The following SNX19 variants were observed in gnomAD, a reference collection of about 807,000 sequenced individuals.
SNX19 encodes the protein sorting nexin 19, also known as sorting nexin-19.
SNX19 carries 60 observed loss-of-function variants against 85.2 expected under a neutral mutation model. That is an observed-to-expected ratio of 0.70 (90% CI 0.57 to 0.87). The LOEUF is 0.87. Among genes scored for constraint, SNX19 ranks in the 40% least tolerant of loss-of-function variants. The pLI is 0.00. For missense variants in SNX19, 1,201 were observed against 1,217.8 expected (o/e 0.99, Z 0.21); for synonymous variants, 520 against 470.0 (o/e 1.11, Z -1.38).
chr11:130,899,694 C>T (rs767313769), intron 8 of SNX19, among the ~76,000 whole-genome samples: 1 of 152,122 alleles, frequency 6.6e-6, no homozygotes, highest in Non-Finnish European at 1.5e-5. Context: ...TATGAGGTAA[C>T]TGAACATGTA....
At position 130,874,433 on chromosome 11, in the gene SNX19, T is replaced by C. The variant is rs1037037193; in HGVS notation, c.*3989A>G. Among the ~76,000 whole-genome samples the C allele has an allele frequency of 6.6e-6, 1 of 152,174 alleles. No individual in the cohort carries two copies. The highest frequency in any genetic ancestry group is 2.4e-5 in the African/African-American group (1 of 41,432). ...GAATGTTATCTCTGGGTGTGATGCC[T>C]GAAACTGCAGCAGCAGGAAGGCAGG... On this transcript the variant is annotated 3_prime_UTR_variant, in exon 11 of 11. Coordinates refer to ENST00000265909, the MANE Select transcript of SNX19 (RefSeq NM_014758.3).
chr11:130,910,252 AAAGAG>A lies in SNX19; in HGVS notation c.1914+13_1914+17del. On this transcript the variant is annotated intron_variant, in intron 3 of 10. Coordinates refer to ENST00000265909, the MANE Select transcript of SNX19 (RefSeq NM_014758.3). ...CCAGGTTAAAGTGAGAACAAGGCCA[AAAGAG>A]AAGGATGCTGACCTTTAGGAATGAT... 1 of 1,613,522 alleles carries A rather than the reference AAAGAG, an allele frequency of 6.2e-7. No homozygotes were observed. The highest frequency in any genetic ancestry group is 8.5e-7 in the Non-Finnish European group (1 of 1,179,638).
chr11:130,877,237 T>G lies in SNX19; in HGVS notation c.*1185A>C, dbSNP rs1034230687. The G allele has an allele frequency of 5.9e-5, 9 of 152,238 alleles. No individual in the cohort carries two copies. Among genetic ancestry groups the G allele is most frequent in the African/African-American group, 2.2e-4 (9 of 41,456 alleles). The allele number at this position is 152,238 out of a possible 1,614,324, so 9.4% of individuals were successfully genotyped here. A position where few individuals can be genotyped will look rare whatever the true frequency, so the allele number is the denominator to read the frequency against. ...TTAATATACAGCACTTCCCTGTGAC[T>G]GTCTGCAGCCTTTTCTACCAGCAAT... On this transcript the variant is annotated 3_prime_UTR_variant, in exon 11 of 11. Coordinates refer to ENST00000265909, the MANE Select transcript of SNX19 (RefSeq NM_014758.3).
intron 8 of SNX19, 146 bp from the exon 9 acceptor site, chr11:130,880,952 G>A: frequency 1.7e-6 from 1 of 578,742 alleles, no homozygotes; most frequent in South Asian, 4.4e-5. Flanking sequence ...GGGGCCTTTG[G>A]GGAGGTGATT....
At chr11:130,890,987 T>A (rs1346393286) in intron 8 of SNX19, among the ~76,000 whole-genome samples, 1 of 151,352 alleles carries the variant, frequency 6.6e-6, no homozygotes, top group African/African-American at 2.4e-5. Flanking sequence ...ATGCTGTATA[T>A]GGGACAAACA....
Position 130,871,034 on chromosome 11 carries a change from GGGCAGA to G in SNX19, c.*7382_*7387del, listed in dbSNP as rs2135248728. 6.6e-6 allele frequency among the ~76,000 whole-genome samples: 1 copy of G among 152,228 alleles called. No individual in the cohort carries two copies. The highest frequency in any genetic ancestry group is 2.1e-4 in the South Asian group (1 of 4,820). ...AAATGGAACTTGAATTGGTCCTTAT[GGGCAGA>G]GGTAGCCTACTTGCCCAGCTGGAGA... is the stretch of plus-strand genomic sequence containing the variant. On this transcript the variant is annotated 3_prime_UTR_variant, in exon 11 of 11. Coordinates refer to ENST00000265909, the MANE Select transcript of SNX19 (RefSeq NM_014758.3).
chr11:130,880,745 G>C lies in SNX19; in HGVS notation c.2635C>G (p.Leu879Val), dbSNP rs767957492. Residue 879 changes from leucine to valine, a missense_variant, in exon 9 of 11, where the codon CTT becomes GTT. By Grantham distance (32) the Leu-to-Val change is conservative. Around this residue, in one of 3 missense-constraint regions of SNX19, gnomAD observed 285 missense variants for 295.3 expected, o/e 0.97. Coordinates refer to ENST00000265909, the MANE Select transcript of SNX19 (RefSeq NM_014758.3). ...SPQRWVQYLL[L>V]LQESIWPGGV... ...CCAGGCCAGATGGACTCCTGAAGAA[G>C]CAGGAGGTACTGCACCCAGCGCTGT... 9.9e-6 allele frequency: 16 copies of C among 1,611,400 alleles called. No individual in the cohort carries two copies. The Admixed American group carries it at 1.5e-4, about 15-fold the overall frequency.
chr11:130,903,419 A>G (rs564994388), intron 7 of SNX19, 35 bp from the exon 8 acceptor site: 6 of 1,606,060 alleles, frequency 3.7e-6, no homozygotes, highest in Non-Finnish European at 5.1e-6. Context: ...GTAACTCAGA[A>G]GAGACCCATA....
rs761320256 is a variant in SNX19 at position 130,915,500 on chromosome 11, C to G, written c.440G>C (p.Ser147Thr). The change falls in exon 1 of 11, where the codon AGC becomes ACC. Residue 147 changes from serine to threonine, a missense_variant. Physicochemically the swap from Ser to Thr is moderately conservative, Grantham distance 58 (BLOSUM62 1). Around this residue, in one of 3 missense-constraint regions of SNX19, gnomAD observed 791 missense variants for 750.9 expected, o/e 1.05. Transcript: ENST00000265909. ...GLVQELRRRM[S>T]VMDSHAVAQS... ...GGCAACAGCATGACTGTCCATCACG[C>G]TCATCCTTCTCCGAAGCTCCTGGAC... 3 of 1,614,250 alleles carry G rather than the reference C, an allele frequency of 1.9e-6. No homozygotes were observed. Among genetic ancestry groups the G allele is most frequent in the Non-Finnish European group, 2.5e-6 (3 of 1,180,048 alleles).
chr11:130,909,574 T>C (rs185968903), intron 4 of SNX19, among the ~76,000 whole-genome samples: 2 of 152,202 alleles, frequency 1.3e-5, no homozygotes, highest in African/African-American at 2.4e-5. Flanking sequence ...CTCCATACTC[T>C]GTTCTCTAGC....
At chr11:130,913,189 T>TA (rs1316010337) in intron 1 of SNX19, among the ~76,000 whole-genome samples, 4 of 152,048 alleles carry the variant, frequency 2.6e-5, no homozygotes. Context: ...GAATAGTCAT[T>TA]AAAAAAAGAT....
intron 8 of SNX19, among the ~76,000 whole-genome samples, chr11:130,900,676 T>C (rs1311910827): frequency 1.3e-5 from 2 of 152,182 alleles, no homozygotes; most frequent in African/African-American, 4.8e-5. Context: ...TTTATCCTCA[T>C]ACTGAATAAT....
intron 8 of SNX19, among the ~76,000 whole-genome samples, chr11:130,882,999 A>G (rs1943789128): frequency 1.3e-5 from 2 of 152,230 alleles, no homozygotes. Flanking sequence ...CAAGAGTTAC[A>G]TTCTTTTGAA....
intron 9 of SNX19, 80 bp downstream of exon 9, chr11:130,880,541 GA>G: frequency 7.7e-7 from 1 of 1,292,174 alleles, no homozygotes; most frequent in Admixed American, 2.2e-5. Flanking sequence ...TTACAAACAG[GA>G]AAAGGTGCAG....
At chr11:130,911,926 AT>A (rs1565552088) in intron 1 of SNX19, among the ~76,000 whole-genome samples, 155 bp from the exon 2 acceptor site, 1 of 152,064 alleles carries the variant, frequency 6.6e-6, no homozygotes, top group Non-Finnish European at 1.5e-5. Context: ...AGAACCTCCT[AT>A]ATCTAATTGC....
At chr11:130,907,760 T>C (rs1349037379) in intron 5 of SNX19, among the ~76,000 whole-genome samples, 193 bp downstream of exon 5, 2 of 152,202 alleles carry the variant, frequency 1.3e-5, no homozygotes, top group Non-Finnish European at 2.9e-5. Context: ...CATTCAGCAG[T>C]GCTGCCTCTG....
Position 130,914,343 on chromosome 11 carries a change from G to A in SNX19, c.1597C>T (p.Leu533Phe), listed in dbSNP as rs1946368270. The A allele has an allele frequency of 3.1e-6, 5 of 1,613,600 alleles. No homozygotes were observed. In the Middle Eastern group the frequency reaches 6.6e-4, roughly 213 times the overall value. ...GCTGTAATGGTGCCAGTGATACGAA[G>A]GTTCTGGATGATAACTGGACCATCG... ...SPDGPVIIQN[L>F]RITGTITARE... The change falls in exon 1 of 11, where the codon CTT (leucine) becomes TTT (phenylalanine). Residue 533 changes from leucine to phenylalanine, a missense_variant. Coordinates refer to ENST00000265909, the MANE Select transcript of SNX19 (RefSeq NM_014758.3).
intron 10 of SNX19, among the ~76,000 whole-genome samples, chr11:130,879,164 G>A (rs12365680): frequency 0.34 from 51,531 of 152,046 alleles, 10,064 homozygotes; most frequent in Admixed American, 0.45. Context: ...ACAACTCCTG[G>A]TCTTGACATG....
chr11:130,892,476 A>G (rs1297319689), intron 8 of SNX19, among the ~76,000 whole-genome samples: 6 of 152,220 alleles, frequency 3.9e-5, no homozygotes, highest in Non-Finnish European at 1.5e-5. Context: ...CACATGTAAA[A>G]GAGAAAAAGA....
Sources: gnomAD v4.1 joint callset for allele counts (sites outside exome capture counted in the v4.1 genomes callset) on GRCh38, gnomAD v4.1.1 for gene constraint, gnomAD v4.1.1 regional missense constraint, MANE v1.5 for transcripts, NCBI Gene and HGNC (gene_info 2026-07-23, HGNC 2026-07-21) for gene names.